The following LPP variants were observed in gnomAD, a reference collection of about 807,000 sequenced individuals.
LPP encodes the protein lipoma-preferred partner.
Under a neutral mutation model 60.4 loss-of-function variants are expected in LPP, and 38 were observed. The observed-to-expected ratio is 0.63, with a 90% CI of 0.49 to 0.83. LPP has a LOEUF of 0.83. Ranked by LOEUF, LPP falls within the 40% of genes least tolerant of loss-of-function variation. LPP has a pLI of 0.00. For synonymous variants in LPP, 328 were observed against 290.8 expected, an observed-to-expected ratio of 1.13 and a Z score of -1.30; for missense variants, 902 against 783.6, an observed-to-expected ratio of 1.15 and a Z score of -1.80.
At chr3:188,815,904 T>G (rs1752337247) in intron 9 of LPP, among the ~76,000 whole-genome samples, 1 of 152,230 alleles carries the variant, frequency 6.6e-6, no homozygotes, top group Non-Finnish European at 1.5e-5. Flanking sequence ...TTTTCATTAC[T>G]GGGGTCTTTG....
intron 2 of LPP, among the ~76,000 whole-genome samples, chr3:188,289,942 C>T (rs1745362491): frequency 6.6e-6 from 1 of 151,854 alleles, no homozygotes; most frequent in African/African-American, 2.4e-5. Flanking sequence ...TGCAAAGGTA[C>T]CTAGTTCATG....
chr3:188,448,263 G>A (rs1346649637), intron 4 of LPP, among the ~76,000 whole-genome samples: 1 of 152,024 alleles, frequency 6.6e-6, no homozygotes, highest in African/African-American at 2.4e-5. Context: ...TCCCTTTTGA[G>A]TTTTCCTTCA....
chr3:188,731,128 A>G (rs189451477), intron 8 of LPP, among the ~76,000 whole-genome samples: 5 of 152,316 alleles, frequency 3.3e-5, no homozygotes, highest in Admixed American at 6.5e-5. Context: ...TTTGGGAGGC[A>G]TTACGCTGCC....
chr3:188,712,615 C>T (rs936246308), intron 8 of LPP: 2 of 152,228 alleles, frequency 1.3e-5, no homozygotes, highest in Non-Finnish European at 2.9e-5. Context: ...CCAAGCACTT[C>T]CCTTAAATAA....
intron 4 of LPP, 117 bp downstream of exon 4, chr3:188,406,430 T>A (rs934302663): frequency 8.6e-6 from 8 of 935,426 alleles, no homozygotes; most frequent in Non-Finnish European, 1.3e-5. Context: ...AGCGTGGGTG[T>A]CATAGGCTAC....
At chr3:188,549,050 T>C (rs1165552514) in intron 6 of LPP, among the ~76,000 whole-genome samples, 1 of 152,190 alleles carries the variant, frequency 6.6e-6, no homozygotes, top group Non-Finnish European at 1.5e-5. Context: ...ATGATAAATA[T>C]TTGAGATGAT....
chr3:188,819,518 CT>C (rs930678503), intron 9 of LPP, among the ~76,000 whole-genome samples: 6 of 152,080 alleles, frequency 3.9e-5, no homozygotes, highest in African/African-American at 1.4e-4. Flanking sequence ...TGAAAATTGA[CT>C]TTGTTGAAGG....
chr3:188,444,763 A>G (rs1017380715), intron 4 of LPP, among the ~76,000 whole-genome samples: 2 of 152,246 alleles, frequency 1.3e-5, no homozygotes, highest in Admixed American at 1.3e-4. Context: ...TCCAGAATCT[A>G]CAAAGAACTT....
chr3:188,524,171 A>G (rs531813000), intron 5 of LPP, among the ~76,000 whole-genome samples: 1 of 152,282 alleles, frequency 6.6e-6, no homozygotes, highest in African/African-American at 2.4e-5. Flanking sequence ...GCACACATGC[A>G]TACCTAATAC....
chr3:188,683,036 G>A (rs906480234), intron 7 of LPP, among the ~76,000 whole-genome samples: 6 of 152,086 alleles, frequency 3.9e-5, no homozygotes, highest in African/African-American at 1.4e-4. Flanking sequence ...AAGCATGAGG[G>A]AAAGCTAGCA....
intron 6 of LPP, among the ~76,000 whole-genome samples, chr3:188,595,321 G>T (rs985034940): frequency 7.9e-5 from 12 of 152,216 alleles, no homozygotes; most frequent in Non-Finnish European, 1.2e-4. Context: ...AAGGAAAGAA[G>T]AATAATAAAC....
At chr3:188,444,543 C>G (rs1794765472) in intron 4 of LPP, among the ~76,000 whole-genome samples, 1 of 151,922 alleles carries the variant, frequency 6.6e-6, no homozygotes, top group African/African-American at 2.4e-5. Flanking sequence ...AGAAGAAAAC[C>G]TAGGCAATAC....
At chr3:188,305,999 A>G (rs957936696) in intron 2 of LPP, among the ~76,000 whole-genome samples, 6 of 152,110 alleles carry the variant, frequency 3.9e-5, no homozygotes, top group Non-Finnish European at 5.9e-5. Flanking sequence ...CTTTTCACTT[A>G]TTGTATATGT....
intron 1 of LPP, among the ~76,000 whole-genome samples, chr3:188,161,573 A>G (rs1017062498): frequency 6.6e-6 from 1 of 152,264 alleles, no homozygotes; most frequent in East Asian, 1.9e-4. Flanking sequence ...TATACAGATG[A>G]GGAAACTGAG....
In LPP at chr3:188,855,039, G is replaced by A. The variant is rs371141839; in HGVS notation, c.1411-11161G>A. On this transcript the variant is annotated intron_variant, in intron 9 of 11. Transcript: ENST00000617246. ...CATAGCTGAAAACATCATCACTTAAGCATGGGTTTTAGACATTCTCCTGGA... is the reference window on the plus strand; with the variant it reads ...CATAGCTGAAAACATCATCACTTAAACATGGGTTTTAGACATTCTCCTGGA... Among the ~76,000 whole-genome samples, 3 of 152,200 alleles carry A rather than the reference G, an allele frequency of 2.0e-5. No individual in the cohort carries two copies. The East Asian group carries it at 5.8e-4, about 29-fold the overall frequency.
At chr3:188,439,399 C>T (rs1039389188) in intron 4 of LPP, among the ~76,000 whole-genome samples, 4 of 152,180 alleles carry the variant, frequency 2.6e-5, no homozygotes, top group Admixed American at 6.5e-5. Context: ...TTTTGTATTT[C>T]GCTGTGTGCT....
At chr3:188,225,933 A>T (rs560644943) in intron 2 of LPP, among the ~76,000 whole-genome samples, 1 of 152,238 alleles carries the variant, frequency 6.6e-6, no homozygotes, top group Non-Finnish European at 1.5e-5. Context: ...ATTTACAAGG[A>T]AAGAAAGCAG....
At chr3:188,509,481 G>A (rs572495529) in intron 5 of LPP, among the ~76,000 whole-genome samples, 86 of 152,266 alleles carry the variant, frequency 5.6e-4, no homozygotes, top group African/African-American at 2.0e-3. Context: ...TTTTGGCACT[G>A]ACAGAGTTTG....
intron 7 of LPP, among the ~76,000 whole-genome samples, chr3:188,614,340 A>G (rs1261669681): frequency 3.3e-5 from 5 of 152,152 alleles, no homozygotes; most frequent in Non-Finnish European, 7.4e-5. Flanking sequence ...TTATGTCTCA[A>G]TTCTAGGATC....
Sources: gnomAD v4.1 joint callset for allele counts (sites outside exome capture counted in the v4.1 genomes callset) on GRCh38, gnomAD v4.1.1 for gene constraint, MANE v1.5 for transcripts, NCBI Gene and HGNC (gene_info 2026-07-23, HGNC 2026-07-21) for gene names.